LIPA: variants seen among roughly 807,000 people sequenced by gnomAD.
LIPA encodes lysosomal acid lipase/cholesteryl ester hydrolase.
LIPA carries 26 observed loss-of-function variants against 40.6 expected under a neutral mutation model. The observed-to-expected ratio is 0.64, with a 90% CI of 0.47 to 0.89. The LOEUF (loss-of-function observed/expected upper bound fraction) is 0.89. Among genes scored for constraint, LIPA ranks in the 40% least tolerant of loss-of-function variants. LIPA has a pLI of 0.00. For missense variants in LIPA, 455 were observed against 479.6 expected, an observed-to-expected ratio of 0.95 and a Z score of 0.48; for synonymous variants, 188 against 168.4, an observed-to-expected ratio of 1.12 and a Z score of -0.90.
chr10:89,305,666 C>G (rs1237241592), intron 1 of LIPA, among the ~76,000 whole-genome samples: 1 of 152,104 alleles, frequency 6.6e-6, no homozygotes, highest in African/African-American at 2.4e-5. Context: ...CCCTCGAAAG[C>G]AGAGAGGGCA....
At chr10:89,401,518 A>G (rs535301203) in intron 2 of LIPA, among the ~76,000 whole-genome samples, 13 of 152,246 alleles carry the variant, frequency 8.5e-5, no homozygotes, top group Admixed American at 3.9e-4. Context: ...GACAGATGTG[A>G]CCATAAAGGG....
chr10:89,223,233 T>C (rs1363917687), intron 7 of LIPA, among the ~76,000 whole-genome samples: 1 of 152,158 alleles, frequency 6.6e-6, no homozygotes, highest in African/African-American at 2.4e-5. Flanking sequence ...GATTGCATGA[T>C]GCTGAGATGC....
chr10:89,235,043 G>GAGAA (rs1842887943), intron 3 of LIPA, among the ~76,000 whole-genome samples: 1 of 152,254 alleles, frequency 6.6e-6, no homozygotes, highest in Admixed American at 6.5e-5. Flanking sequence ...GTTAACAAGA[G>GAGAA]AGAAGTCTCT....
At chr10:89,377,566 C>T (rs1844130999) in intron 2 of LIPA, among the ~76,000 whole-genome samples, 1 of 152,278 alleles carries the variant, frequency 6.6e-6, no homozygotes, top group Middle Eastern at 3.4e-3. Context: ...TAACACAGCC[C>T]CACAGAAGAA....
At chr10:89,222,425 T>C (rs1198308959) in intron 8 of LIPA, 86 bp downstream of exon 8, 2 of 849,208 alleles carry the variant, frequency 2.4e-6, no homozygotes, top group African/African-American at 3.3e-5. Flanking sequence ...AAGCAGGTTG[T>C]CTTTCTATTT....
chr10:89,382,880 C>A (rs946683061), intron 2 of LIPA, among the ~76,000 whole-genome samples: 1 of 152,154 alleles, frequency 6.6e-6, no homozygotes, highest in African/African-American at 2.4e-5. Context: ...GAGAGAAAAC[C>A]AAAATGTGTT....
At chr10:89,222,422 T>C (rs1842711192) in intron 8 of LIPA, 89 bp downstream of exon 8, 1 of 838,558 alleles carries the variant, frequency 1.2e-6, no homozygotes, top group South Asian at 1.3e-5. Context: ...TGTAAGCAGG[T>C]TGTCTTTCTA....
At chr10:89,312,818 A>AT (rs1843523370) in intron 1 of LIPA, among the ~76,000 whole-genome samples, 1 of 151,334 alleles carries the variant, frequency 6.6e-6, no homozygotes, top group South Asian at 2.1e-4. Context: ...CAAAAAAAAA[A>AT]AATAATAATA....
At chr10:89,285,926 C>T (rs1193362062) in intron 1 of LIPA, among the ~76,000 whole-genome samples, 2 of 152,048 alleles carry the variant, frequency 1.3e-5, no homozygotes, top group African/African-American at 4.8e-5. Flanking sequence ...TTCCACCCTC[C>T]ATTCCTCCTT....
At chr10:89,414,673 T>C (rs955387489), upstream of LIPA, 2 of 1,144,356 alleles carry the variant, frequency 1.7e-6, no homozygotes, top group South Asian at 3.3e-5. Context: ...GTCCAGGGGC[T>C]GCAGAGGCCT....
At position 89,413,624 on chromosome 10, in the gene LIPA, C is replaced by G. The variant is rs370007994; in HGVS notation, c.-71-702G>C. On this transcript the variant is annotated intron_variant, in intron 1 of 8. Coordinates refer to the LIPA transcript ENST00000371837. ...TCTACAAAAAATAAATTAATTAGCC[C>G]GACATAGTGGTGCACGCATATAGTC... 2.6e-5 allele frequency among the ~76,000 whole-genome samples: 4 copies of G among 152,008 alleles called. No individual in the cohort carries two copies. The South Asian group carries it at 8.3e-4, about 32-fold the overall frequency.
At chr10:89,304,309 T>C (rs1843464199) in intron 1 of LIPA, among the ~76,000 whole-genome samples, 1 of 152,142 alleles carries the variant, frequency 6.6e-6, no homozygotes, top group Non-Finnish European at 1.5e-5. Context: ...TCAGGCATCC[T>C]AATGGCAGAT....
At chr10:89,384,751 C>T (rs750432596) in intron 2 of LIPA, 1 of 1,557,900 alleles carries the variant, frequency 6.4e-7, no homozygotes, top group Admixed American at 1.9e-5. Flanking sequence ...TAGAGGTCAC[C>T]ATTATCCATT....
At chr10:89,311,096 C>T (rs952040162) in intron 1 of LIPA, among the ~76,000 whole-genome samples, 10 of 152,124 alleles carry the variant, frequency 6.6e-5, no homozygotes, top group African/African-American at 1.9e-4. Flanking sequence ...AGTAAATGAG[C>T]CTATTTATGT....
chr10:89,382,971 TAGTCATGGACTGCAA>T (rs1215262590), intron 2 of LIPA, among the ~76,000 whole-genome samples: 1 of 152,250 alleles, frequency 6.6e-6, no homozygotes, highest in African/African-American at 2.4e-5. Context: ...CTGACTGCAT[TAGTCATGGACTGCAA>T]AGTCAGGAGG....
At chr10:89,215,820 G>A in intron 9 of LIPA, 118 bp downstream of exon 9, 3 of 789,438 alleles carry the variant, frequency 3.8e-6, no homozygotes, top group Non-Finnish European at 7.0e-6. Flanking sequence ...ACAAACACTA[G>A]TCAACTCCTG....
chr10:89,221,517 G>A (rs1842698263), intron 8 of LIPA, among the ~76,000 whole-genome samples: 1 of 152,212 alleles, frequency 6.6e-6, no homozygotes, highest in East Asian at 1.9e-4. Context: ...ATTAAATAGT[G>A]TACTTTTTAA....
intron 2 of LIPA, chr10:89,403,665 C>G (rs1844480686): frequency 6.2e-7 from 1 of 1,605,764 alleles, no homozygotes; most frequent in Non-Finnish European, 8.5e-7. Flanking sequence ...TGAGCGGGCC[C>G]TGAGACTGGC....
chr10:89,388,326 G>A (rs1310699247), intron 2 of LIPA, among the ~76,000 whole-genome samples: 2 of 152,122 alleles, frequency 1.3e-5, no homozygotes, highest in South Asian at 2.1e-4. Flanking sequence ...GCATGGTCTC[G>A]AACCCCTGAC....
Sources: allele counts gnomAD v4.1 joint callset (sites outside exome capture counted in the v4.1 genomes callset), GRCh38; gene constraint gnomAD v4.1.1; transcripts MANE v1.5; gene names NCBI Gene and HGNC (gene_info 2026-07-23, HGNC 2026-07-21).